Variants in BBS9 observed in about 807,000 individuals in gnomAD.
The protein encoded by BBS9 is Bardet-Biedl syndrome 9.
A neutral mutation model predicts 117.7 loss-of-function variants in BBS9; 89 were observed. The observed-to-expected ratio is 0.76, with a 90% CI of 0.64 to 0.90. BBS9 has a LOEUF of 0.90. BBS9 is among the 40% of genes least tolerant of loss of function. The pLI is 0.00. For missense variants in BBS9, 982 were observed against 1,042.2 expected (o/e 0.94, Z 0.80); for synonymous variants, 379 against 370.9 (o/e 1.02, Z -0.25).
At chr7:33,500,409 A>G (rs1252376780) in intron 19 of BBS9, among the ~76,000 whole-genome samples, 1 of 152,244 alleles carries the variant, frequency 6.6e-6, no homozygotes, top group African/African-American at 2.4e-5. Flanking sequence ...AAATCAGAAG[A>G]CAGGATTAGA....
intron 19 of BBS9, among the ~76,000 whole-genome samples, chr7:33,396,003 G>GT: frequency 6.6e-6 from 1 of 152,196 alleles, no homozygotes; most frequent in South Asian, 2.1e-4. Flanking sequence ...AGGTGATAGA[G>GT]TAAATAGGTG....
At chr7:33,237,271 T>G (rs1793691129) in intron 5 of BBS9, among the ~76,000 whole-genome samples, 1 of 152,234 alleles carries the variant, frequency 6.6e-6, no homozygotes, top group Non-Finnish European at 1.5e-5. Flanking sequence ...TATTAGCTTG[T>G]AACTTCCTCA....
chr7:33,545,727 T>A (rs556860261), intron 21 of BBS9, among the ~76,000 whole-genome samples: 2 of 152,196 alleles, frequency 1.3e-5, no homozygotes, highest in South Asian at 4.2e-4. Context: ...AATCGAAAAT[T>A]TAAAATCATT....
chr7:33,393,315 A>C (rs905181134), intron 19 of BBS9, among the ~76,000 whole-genome samples: 1 of 152,186 alleles, frequency 6.6e-6, no homozygotes, highest in African/African-American at 2.4e-5. Context: ...GGAATCTATT[A>C]TCCAGTTTTT....
In BBS9 at chr7:33,306,684, G is replaced by A. The variant is rs141841099; in HGVS notation, c.1017-29757G>A. 1.7e-4 allele frequency among the ~76,000 whole-genome samples: 26 copies of A among 152,138 alleles called. No homozygotes were observed. The East Asian group carries it at 4.4e-3, about 26-fold the overall frequency. On this transcript the variant is annotated intron_variant, in intron 9 of 22. Transcript: ENST00000242067. Reference sequence around the variant, plus strand: ...AAAAATTTGTTTTGTAAGAGTAGACGTACAAAAAGCATATGCTATTGTTAT... The same window carrying A: ...AAAAATTTGTTTTGTAAGAGTAGACATACAAAAAGCATATGCTATTGTTAT...
In BBS9 at chr7:33,273,962, TG is replaced by T; in HGVS notation, c.1016+7del. 2 of 1,613,628 alleles carry T rather than the reference TG, an allele frequency of 1.2e-6. No homozygotes were observed. The highest frequency in any genetic ancestry group is 1.7e-6 in the Non-Finnish European group (2 of 1,179,734). Reference sequence around the variant, plus strand: ...GTAAGAGTGGGCTGTTTGCAGTAAGTGATTTAATTTAACACAGTTTTTAAAG... The same window carrying T: ...GTAAGAGTGGGCTGTTTGCAGTAAGTATTTAATTTAACACAGTTTTTAAAG... On this transcript the variant is annotated splice_region_variant and intron_variant, in intron 9 of 22. Transcript: ENST00000242067.
chr7:33,584,515 G>A (rs1860555491), intron 21 of BBS9, among the ~76,000 whole-genome samples: 1 of 151,914 alleles, frequency 6.6e-6, no homozygotes, highest in African/African-American at 2.4e-5. Context: ...AGAGTCCAGA[G>A]TGCTCATCAT....
chr7:33,435,223 A>G (rs1835121884), intron 19 of BBS9, among the ~76,000 whole-genome samples: 1 of 152,134 alleles, frequency 6.6e-6, no homozygotes, highest in Non-Finnish European at 1.5e-5. Context: ...AAGGGAGGAA[A>G]AAGGAAGCAT....
intron 8 of BBS9, 60 bp from the exon 9 acceptor site, chr7:33,273,767 G>T (rs1800235306): frequency 6.6e-7 from 1 of 1,513,700 alleles, no homozygotes; most frequent in Non-Finnish European, 9.1e-7. Context: ...TCCTAAAAGA[G>T]ATATACTTTT....
chr7:33,425,657 AAAAGGCTCAGAAACT>A (rs1353317852), intron 19 of BBS9, among the ~76,000 whole-genome samples: 4 of 152,184 alleles, frequency 2.6e-5, no homozygotes, highest in African/African-American at 9.7e-5. Context: ...TTTCCTCCTT[AAAAGGCTCAGAAACT>A]AAAGGCGCTG....
chr7:33,240,038 G>T (rs549529048), intron 5 of BBS9, among the ~76,000 whole-genome samples: 3 of 152,112 alleles, frequency 2.0e-5, no homozygotes, highest in Admixed American at 2.0e-4. Context: ...TTACAGTAGG[G>T]CTCCAGTTTT....
intron 9 of BBS9, among the ~76,000 whole-genome samples, chr7:33,332,505 C>T (rs577203941): frequency 2.6e-5 from 4 of 152,218 alleles, no homozygotes; most frequent in Admixed American, 6.5e-5. Flanking sequence ...GGCAAAACCC[C>T]GTCTGTACTA....
At chr7:33,407,003 T>C (rs1830137253) in intron 19 of BBS9, among the ~76,000 whole-genome samples, 1 of 141,036 alleles carries the variant, frequency 7.1e-6, no homozygotes. Flanking sequence ...TTGGGGAAGT[T>C]CTCCTGGATA....
At chr7:33,596,788 C>T (rs1054188315) in intron 21 of BBS9, among the ~76,000 whole-genome samples, 2 of 152,080 alleles carry the variant, frequency 1.3e-5, no homozygotes, top group South Asian at 4.1e-4. Flanking sequence ...ATGATCCATT[C>T]TCTCTCCTCC....
intron 15 of BBS9, 113 bp downstream of exon 15, chr7:33,352,986 A>C (rs1308874234): frequency 2.2e-5 from 25 of 1,126,434 alleles, no homozygotes; most frequent in Non-Finnish European, 3.1e-5. Context: ...TTTAACTAGA[A>C]GAAGTTCTTT....
At chr7:33,312,177 C>T (rs1809404169) in intron 9 of BBS9, among the ~76,000 whole-genome samples, 1 of 152,076 alleles carries the variant, frequency 6.6e-6, no homozygotes, top group Non-Finnish European at 1.5e-5. Flanking sequence ...CTCCATGAAA[C>T]CTTTCTTGGT....
At chr7:33,418,783 C>T (rs1004093034) in intron 19 of BBS9, among the ~76,000 whole-genome samples, 15 of 152,286 alleles carry the variant, frequency 9.8e-5, no homozygotes, top group East Asian at 3.9e-4. Flanking sequence ...TGGGAATATG[C>T]TAACAAAACT....
At chr7:33,130,975 T>A (rs1427380280) in intron 1 of BBS9, among the ~76,000 whole-genome samples, 2 of 152,340 alleles carry the variant, frequency 1.3e-5, no homozygotes, top group East Asian at 1.9e-4. Context: ...TTTACACCTT[T>A]TGAGGGATGT....
At chr7:33,581,182 G>GA (rs1859840104) in intron 21 of BBS9, among the ~76,000 whole-genome samples, 1 of 151,950 alleles carries the variant, frequency 6.6e-6, no homozygotes, top group Non-Finnish European at 1.5e-5. Flanking sequence ...CTTGGGCCAA[G>GA]ACACTGTGTA....
Sources: gnomAD v4.1 joint callset for allele counts (sites outside exome capture counted in the v4.1 genomes callset) on GRCh38, gnomAD v4.1.1 for gene constraint, MANE v1.5 for transcripts, NCBI Gene and HGNC (gene_info 2026-07-23, HGNC 2026-07-21) for gene names.